The following LDLRAD4 variants were observed in gnomAD, a reference collection of about 807,000 sequenced individuals.
The protein encoded by LDLRAD4 is low-density lipoprotein receptor class A domain-containing protein 4.
LDLRAD4 carries 5 observed loss-of-function variants against 17.0 expected under a neutral mutation model. The observed-to-expected ratio is 0.29, with a 90% CI of 0.15 to 0.62. The LOEUF is 0.62. Ranked by LOEUF, LDLRAD4 falls within the 20% of genes least tolerant of loss-of-function variation. The pLI is 0.84. For missense variants in LDLRAD4, 340 were observed against 424.7 expected (o/e 0.80, Z 1.75); for synonymous variants, 168 against 171.8 (o/e 0.98, Z 0.17).
chr18:13,556,951 G>T (rs2094490274), intron 3 of LDLRAD4, among the ~76,000 whole-genome samples: 1 of 152,142 alleles, frequency 6.6e-6, no homozygotes, highest in Admixed American at 6.5e-5. Context: ...GCAATGCATG[G>T]TGATGAAAAC....
In LDLRAD4 at chr18:13,440,531, T is replaced by C. The variant is rs190466609; in HGVS notation, c.181+2147T>C. Among the ~76,000 whole-genome samples, 1 of 152,112 alleles carries C rather than the reference T, an allele frequency of 6.6e-6. No homozygotes were observed. Among genetic ancestry groups the C allele is most frequent in the African/African-American group, 2.4e-5 (1 of 41,412 alleles). ...AGCTAAAATGGGATATTATTTACAA[T>C]ATACTCTCTTCTAAGAAGACTGGAG... is the stretch of plus-strand genomic sequence containing the variant. On this transcript the variant is annotated intron_variant, in intron 3 of 5. Coordinates refer to ENST00000359446, the Ensembl canonical transcript of LDLRAD4. The surrounding 1 kb of genome is among the most constrained non-coding windows in gnomAD (Gnocchi z 4.4).
chr18:13,379,992 C>T (rs952899706), intron 1 of LDLRAD4, among the ~76,000 whole-genome samples: 3 of 149,098 alleles, frequency 2.0e-5, no homozygotes, highest in Admixed American at 6.7e-5. Context: ...CCCCTGCCCG[C>T]CAGCCCCCTG....
intron 3 of LDLRAD4, chr18:13,500,509 G>C (rs1568262903): frequency 6.6e-6 from 1 of 152,220 alleles, no homozygotes; most frequent in African/African-American, 2.4e-5. Context: ...GGAGGGCAGC[G>C]TTATTCCCAG....
intron 1 of LDLRAD4, among the ~76,000 whole-genome samples, chr18:13,231,964 G>T (rs55931059): frequency 6.6e-6 from 1 of 152,354 alleles, no homozygotes; most frequent in South Asian, 2.1e-4. Context: ...AAGGTCATTG[G>T]TCCCAGGGAT....
At chr18:13,328,560 C>T (rs1012552222) in intron 1 of LDLRAD4, among the ~76,000 whole-genome samples, 64 of 152,328 alleles carry the variant, frequency 4.2e-4, no homozygotes, top group African/African-American at 1.4e-3. Flanking sequence ...GCATGAACTT[C>T]ATCATTCTTC....
intron 1 of LDLRAD4, among the ~76,000 whole-genome samples, chr18:13,236,211 G>A (rs1301101295): frequency 6.6e-6 from 1 of 151,386 alleles, no homozygotes; most frequent in Non-Finnish European, 1.5e-5. Context: ...GTGCAGAGCA[G>A]TTTCTCGTTA....
chr18:13,400,351 T>C (rs8099604), intron 2 of LDLRAD4, among the ~76,000 whole-genome samples: 26,719 of 152,178 alleles, frequency 0.18, 2,591 homozygotes, highest in East Asian at 0.25. Context: ...TCCTTGTGTC[T>C]TTTTAAGATC....
intron 2 of LDLRAD4, among the ~76,000 whole-genome samples, chr18:13,407,861 C>T (rs1278973319): frequency 6.6e-6 from 1 of 152,174 alleles, no homozygotes; most frequent in African/African-American, 2.4e-5. Flanking sequence ...ACCTAGGTCC[C>T]TTTGTATTAA....
At chr18:13,539,407 G>T (rs935330365) in intron 3 of LDLRAD4, among the ~76,000 whole-genome samples, 1 of 152,190 alleles carries the variant, frequency 6.6e-6, no homozygotes, top group Non-Finnish European at 1.5e-5. Context: ...GTTCAAGGGA[G>T]GAACCAGAGC....
chr18:13,577,756 T>G (rs1399717321), intron 3 of LDLRAD4, among the ~76,000 whole-genome samples: 3 of 152,156 alleles, frequency 2.0e-5, no homozygotes, highest in Non-Finnish European at 4.4e-5. Context: ...GTAGGCAAAT[T>G]CTAATGTAGT....
intron 3 of LDLRAD4, among the ~76,000 whole-genome samples, chr18:13,524,001 G>T (rs2093992587): frequency 6.6e-6 from 1 of 152,212 alleles, no homozygotes; most frequent in Non-Finnish European, 1.5e-5. Flanking sequence ...ACAGGAGGGG[G>T]ACCATTCACT....
chr18:13,339,210 T>A (rs141462675), intron 1 of LDLRAD4, among the ~76,000 whole-genome samples: 1 of 140,540 alleles, frequency 7.1e-6, no homozygotes, highest in Non-Finnish European at 1.6e-5. Context: ...GTAGTATCAC[T>A]ACTTTTTTTT....
intron 1 of LDLRAD4, among the ~76,000 whole-genome samples, chr18:13,342,172 A>G (rs1599539944): frequency 2.0e-5 from 3 of 152,066 alleles, no homozygotes; most frequent in South Asian, 4.1e-4. Flanking sequence ...TAATATTCAT[A>G]AGAAATATTG....
chr18:13,440,208 C>T lies in LDLRAD4; in HGVS notation c.181+1824C>T, dbSNP rs551665138. ...ACAGGCCTCTTCTGGTCTGCGGGCT[C>T]CTCCTTTACTTCAGGGCCCTTTTGC... is the stretch of plus-strand genomic sequence containing the variant. On this transcript the variant is annotated intron_variant, in intron 3 of 5. Coordinates refer to ENST00000359446, the Ensembl canonical transcript of LDLRAD4. This position sits in a 1 kb window ranked among gnomAD's most constrained non-coding sequence, Gnocchi z 4.4. Among the ~76,000 whole-genome samples, 1 of 152,306 alleles carries T rather than the reference C, an allele frequency of 6.6e-6. No individual in the cohort carries two copies. The highest frequency in any genetic ancestry group is 1.9e-4 in the East Asian group (1 of 5,178).
chr18:13,280,178 C>G (rs1273108560), intron 1 of LDLRAD4: 1 of 152,238 alleles, frequency 6.6e-6, no homozygotes, highest in East Asian at 1.9e-4. Flanking sequence ...GTTTTTCCCT[C>G]CTCGATGAAT....
chr18:13,603,163 A>C (rs1439295316), intron 3 of LDLRAD4, among the ~76,000 whole-genome samples: 2 of 152,338 alleles, frequency 1.3e-5, no homozygotes, highest in Non-Finnish European at 2.9e-5. Context: ...AATAACCTTA[A>C]ATTTCCAGAA....
intron 1 of LDLRAD4, among the ~76,000 whole-genome samples, chr18:13,323,756 T>C (rs537905883): frequency 1.3e-5 from 2 of 152,324 alleles, no homozygotes; most frequent in South Asian, 4.1e-4. Flanking sequence ...AATCTATTCA[T>C]ATTGGTATTT....
chr18:13,345,663 G>A (rs1184738237), intron 1 of LDLRAD4, among the ~76,000 whole-genome samples: 1 of 152,178 alleles, frequency 6.6e-6, no homozygotes, highest in Non-Finnish European at 1.5e-5. Context: ...AATGGTGCCA[G>A]CTCCTCCTTG....
chr18:13,351,222 G>T (rs1367848708), intron 1 of LDLRAD4, among the ~76,000 whole-genome samples: 1 of 152,196 alleles, frequency 6.6e-6, no homozygotes, highest in Non-Finnish European at 1.5e-5. Context: ...ACTTTGGGCA[G>T]TGTGGCCATT....
Sources: gnomAD v4.1 joint callset for allele counts (sites outside exome capture counted in the v4.1 genomes callset) on GRCh38, gnomAD v4.1.1 for gene constraint, Gnocchi (gnomAD v3.1) non-coding constraint, MANE v1.5 for transcripts, NCBI Gene and HGNC (gene_info 2026-07-23, HGNC 2026-07-21) for gene names.